CLVS1: variants seen among roughly 807,000 people sequenced by gnomAD.
The protein encoded by CLVS1 is clavesin 1.
CLVS1 carries 10 observed loss-of-function variants against 33.1 expected under a neutral mutation model. That is an observed-to-expected ratio of 0.30 (90% CI 0.19 to 0.51). The LOEUF (loss-of-function observed/expected upper bound fraction) is 0.51, where lower values mean the gene tolerates loss of function less well. CLVS1 is among the 20% of genes least tolerant of loss of function. The pLI is 0.97. For missense variants in CLVS1, 343 were observed against 433.4 expected (o/e 0.79, Z 1.85); for synonymous variants, 163 against 166.1 (o/e 0.98, Z 0.14).
chr8:61,066,688 G>T (rs1362615410), intron 1 of CLVS1, among the ~76,000 whole-genome samples: 9 of 152,142 alleles, frequency 5.9e-5, no homozygotes, highest in Admixed American at 5.9e-4. Flanking sequence ...GAAAAACAAG[G>T]GGAAGCAAGT....
chr8:61,052,976 C>T (rs977613997), upstream of CLVS1, among the ~76,000 whole-genome samples: 2 of 152,108 alleles, frequency 1.3e-5, no homozygotes, highest in Admixed American at 1.3e-4. Context: ...AATGGCTGGA[C>T]TCTAGATGTA....
At chr8:60,997,088 G>T in the CLVS1 span, among the ~76,000 whole-genome samples, 2 of 152,068 alleles carry the variant, frequency 1.3e-5, no homozygotes, top group South Asian at 4.2e-4. Flanking sequence ...TTTGGATTTT[G>T]GGAAAAAATA....
rs548450255 is a variant in CLVS1, at chr8:61,185,761, G to A, written c.-152+53901G>A. Among the ~76,000 whole-genome samples the A allele has an allele frequency of 4.6e-5, 7 of 152,184 alleles. No homozygotes were observed. The East Asian group carries it at 5.8e-4, about 13-fold the overall frequency. On this transcript the variant is annotated intron_variant, in intron 2 of 2. Transcript: ENST00000522621. ...GTCATTTACTTGTGGTATAGTCTTAGGCTATTAGTAATATCTTTTCAGGGC... is the reference window on the plus strand; with the variant it reads ...GTCATTTACTTGTGGTATAGTCTTAAGCTATTAGTAATATCTTTTCAGGGC...
At chr8:61,210,892 T>G (rs1807956744) in intron 2 of CLVS1, among the ~76,000 whole-genome samples, 1 of 151,482 alleles carries the variant, frequency 6.6e-6, no homozygotes, top group Non-Finnish European at 1.5e-5. Flanking sequence ...AGAATCAGTG[T>G]GTCAAAGAAA....
chr8:61,344,297 T>A (rs1812124058), intron 2 of CLVS1, among the ~76,000 whole-genome samples: 1 of 152,186 alleles, frequency 6.6e-6, no homozygotes. Context: ...TCCACCCACA[T>A]CAGCCTCCCA....
chr8:61,012,617 T>A, the CLVS1 span, among the ~76,000 whole-genome samples: 1 of 152,140 alleles, frequency 6.6e-6, no homozygotes, highest in African/African-American at 2.4e-5. Flanking sequence ...ATGGGTGGAA[T>A]GGGGAGGGCC....
At chr8:60,984,699 T>C in the CLVS1 span, among the ~76,000 whole-genome samples, 1 of 152,216 alleles carries the variant, frequency 6.6e-6, no homozygotes, top group African/African-American at 2.4e-5. Flanking sequence ...AGGTCAAATA[T>C]GTGCCCAGCA....
chr8:61,240,850 G>A (rs1480261517), intron 2 of CLVS1, among the ~76,000 whole-genome samples: 2 of 148,858 alleles, frequency 1.3e-5, no homozygotes, highest in East Asian at 2.0e-4. Flanking sequence ...TTGATCTCAC[G>A]GGTAAAACTC....
the CLVS1 span, among the ~76,000 whole-genome samples, chr8:61,051,711 A>AT: frequency 1.3e-5 from 2 of 152,206 alleles, no homozygotes; most frequent in African/African-American, 4.8e-5. Flanking sequence ...GTTCCCATCC[A>AT]TTTTGACCTC....
chr8:61,137,039 G>A (rs1388616427), intron 2 of CLVS1, among the ~76,000 whole-genome samples: 1 of 152,192 alleles, frequency 6.6e-6, no homozygotes, highest in African/African-American at 2.4e-5. Flanking sequence ...GAAAGCGGGT[G>A]TCTTCTATAT....
At chr8:61,482,036 C>T (rs887724564) in intron 5 of CLVS1, among the ~76,000 whole-genome samples, 2 of 152,236 alleles carry the variant, frequency 1.3e-5, no homozygotes, top group Non-Finnish European at 2.9e-5. Context: ...ATCTGCTGTT[C>T]TGCAATATTT....
chr8:61,049,317 TA>T, the CLVS1 span, among the ~76,000 whole-genome samples: 5 of 152,188 alleles, frequency 3.3e-5, no homozygotes, highest in Non-Finnish European at 7.3e-5. Flanking sequence ...TCTATAGCAA[TA>T]AACACAAGTC....
intron 1 of CLVS1, among the ~76,000 whole-genome samples, chr8:61,290,140 G>A (rs138125711): frequency 1.1e-4 from 17 of 152,144 alleles, no homozygotes; most frequent in African/African-American, 3.4e-4. Flanking sequence ...CACCAGAAAC[G>A]CAGTCCAGGA....
chr8:61,453,433 A>G (rs1817034004), intron 3 of CLVS1, among the ~76,000 whole-genome samples: 1 of 152,092 alleles, frequency 6.6e-6, no homozygotes, highest in African/African-American at 2.4e-5. Flanking sequence ...ACTTCCTATT[A>G]TTTACGAAAT....
the CLVS1 span, among the ~76,000 whole-genome samples, chr8:61,050,967 C>T: frequency 6.6e-6 from 1 of 152,210 alleles, no homozygotes; most frequent in African/African-American, 2.4e-5. Context: ...AAGTGAGCAG[C>T]TTGGGAGGGC....
At chr8:61,419,396 C>CAA (rs10635998) in intron 3 of CLVS1, among the ~76,000 whole-genome samples, 9,390 of 70,024 alleles carry the variant, frequency 0.13, 1,437 homozygotes, top group African/African-American at 0.36. Context: ...GACTCCGTCT[C>CAA]AAAAAAAAAA....
At chr8:61,063,254 A>G (rs949140376) in intron 1 of CLVS1, among the ~76,000 whole-genome samples, 2 of 139,626 alleles carry the variant, frequency 1.4e-5, no homozygotes, top group South Asian at 4.9e-4. Flanking sequence ...GGAGAAAGTG[A>G]GGAAGCGAGA....
intron 5 of CLVS1, among the ~76,000 whole-genome samples, chr8:61,498,880 C>T (rs933137595): frequency 4.6e-5 from 7 of 152,168 alleles, no homozygotes; most frequent in Non-Finnish European, 7.3e-5. Context: ...ATGGTCTTAA[C>T]ATCATGCATG....
At position 61,334,444 on chromosome 8, in the gene CLVS1, A is replaced by G. The variant is rs189797147; in HGVS notation, c.455+34162A>G. 1.2e-3 allele frequency among the ~76,000 whole-genome samples: 182 copies of G among 152,316 alleles called. 3 individuals carry two copies. Among genetic ancestry groups the G allele is most frequent in the Non-Finnish European group, 2.5e-4 (17 of 68,018 alleles). ...GGCCTCTGTGTCTTCTCTAAGTCCT[A>G]TGGGAAGAGCGATTCTTTGCAGTCA... On this transcript the variant is annotated intron_variant, in intron 2 of 5. Coordinates refer to ENST00000325897, the MANE Select transcript of CLVS1 (RefSeq NM_173519.3).
Sources: allele counts gnomAD v4.1 joint callset (sites outside exome capture counted in the v4.1 genomes callset), GRCh38; gene constraint gnomAD v4.1.1; transcripts MANE v1.5; gene names NCBI Gene and HGNC (gene_info 2026-07-23, HGNC 2026-07-21).